Variants in LPP observed in about 807,000 individuals in gnomAD.
The protein encoded by LPP is LIM domain containing preferred translocation partner in lipoma.
LPP carries 38 observed loss-of-function variants against 60.4 expected under a neutral mutation model. The observed-to-expected ratio is 0.63, with a 90% CI of 0.49 to 0.83. The LOEUF (loss-of-function observed/expected upper bound fraction) is 0.83, where lower values mean the gene tolerates loss of function less well. LPP is among the 40% of genes least tolerant of loss of function. The pLI, the probability that LPP is intolerant of heterozygous loss-of-function variation, is 0.00. For synonymous variants in LPP, 328 were observed against 290.8 expected, an observed-to-expected ratio of 1.13 and a Z score of -1.30; for missense variants, 902 against 783.6, an observed-to-expected ratio of 1.15 and a Z score of -1.80.
intron 7 of LPP, among the ~76,000 whole-genome samples, chr3:188,640,557 A>C (rs1419362969): frequency 2.0e-5 from 3 of 151,374 alleles, no homozygotes. Context: ...GACGAAAAAA[A>C]AAAAAGAAAC....
At chr3:188,494,118 C>T (rs1345600104) in intron 5 of LPP, among the ~76,000 whole-genome samples, 1 of 152,100 alleles carries the variant, frequency 6.6e-6, no homozygotes, top group East Asian at 1.9e-4. Context: ...TACGTTCAGT[C>T]TTCAACCATA....
intron 3 of LPP, among the ~76,000 whole-genome samples, chr3:188,349,543 C>A (rs1174294396): frequency 6.6e-6 from 1 of 152,218 alleles, no homozygotes; most frequent in African/African-American, 2.4e-5. Flanking sequence ...AGTTACACAG[C>A]GCTGTCTCAT....
intron 7 of LPP, among the ~76,000 whole-genome samples, chr3:188,707,209 A>G (rs936036144): frequency 1.3e-5 from 2 of 151,888 alleles, no homozygotes; most frequent in African/African-American, 4.8e-5. Context: ...TTTTGGTTAC[A>G]TGGATGGGTT....
At chr3:188,770,274 G>A (rs1735487548) in intron 9 of LPP, among the ~76,000 whole-genome samples, 1 of 147,764 alleles carries the variant, frequency 6.8e-6, no homozygotes, top group African/African-American at 2.5e-5. Flanking sequence ...CACCTGCCGG[G>A]TTCACGCCAT....
intron 2 of LPP, among the ~76,000 whole-genome samples, chr3:188,339,693 C>G (rs996840569): frequency 8.5e-5 from 13 of 152,170 alleles, no homozygotes; most frequent in Non-Finnish European, 1.5e-4. Flanking sequence ...GATCGGATTA[C>G]TTCTACCTGG....
intron 9 of LPP, among the ~76,000 whole-genome samples, chr3:188,834,274 C>T (rs1183910760): frequency 7.0e-6 from 1 of 142,638 alleles, no homozygotes; most frequent in African/African-American, 2.6e-5. Flanking sequence ...TCTTTGTTTT[C>T]ATCAAACTTA....
intron 7 of LPP, among the ~76,000 whole-genome samples, chr3:188,612,496 C>T (rs1163770556): frequency 6.6e-6 from 1 of 152,154 alleles, no homozygotes; most frequent in Non-Finnish European, 1.5e-5. Flanking sequence ...ATTCCTCTTC[C>T]AGTTTGAGGA....
At chr3:188,815,628 T>C (rs1752261226) in intron 9 of LPP, among the ~76,000 whole-genome samples, 1 of 151,804 alleles carries the variant, frequency 6.6e-6, no homozygotes, top group African/African-American at 2.4e-5. Context: ...AAAAAAAAAA[T>C]GTTTTCCTGC....
chr3:188,230,522 G>T (rs13086998), intron 2 of LPP, among the ~76,000 whole-genome samples: 1 of 151,814 alleles, frequency 6.6e-6, no homozygotes, highest in Non-Finnish European at 1.5e-5. Flanking sequence ...AGTGGCTTAT[G>T]CCTGTAATCC....
At chr3:188,570,347 G>A (rs1337617093) in intron 6 of LPP, among the ~76,000 whole-genome samples, 1 of 151,968 alleles carries the variant, frequency 6.6e-6, no homozygotes, top group Non-Finnish European at 1.5e-5. Flanking sequence ...CTCTCTCCTG[G>A]AAGTCATTGA....
chr3:188,301,363 C>A (rs1219461432), intron 2 of LPP, among the ~76,000 whole-genome samples: 1 of 152,158 alleles, frequency 6.6e-6, no homozygotes, highest in African/African-American at 2.4e-5. Flanking sequence ...AACCAGAGCT[C>A]GGCCATTTTT....
intron 5 of LPP, among the ~76,000 whole-genome samples, chr3:188,517,356 A>C (rs1817655403): frequency 6.6e-6 from 1 of 152,224 alleles, no homozygotes; most frequent in African/African-American, 2.4e-5. Flanking sequence ...AAGACAGATG[A>C]TGGAAAAAAG....
At chr3:188,822,603 G>A (rs1007868785) in intron 9 of LPP, among the ~76,000 whole-genome samples, 3 of 152,194 alleles carry the variant, frequency 2.0e-5, no homozygotes, top group Non-Finnish European at 2.9e-5. Context: ...GTGATGCCAT[G>A]CTCATTTGAT....
rs1371341211 is a variant in LPP, at chr3:188,508,049, A to C, written c.307-16616A>C. On this transcript the variant is annotated intron_variant, in intron 5 of 11. Transcript: ENST00000617246. ...AGATGGATTGCTATAACATAGTGGT[A>C]CTCAAGTGATCAGAAATGGTGATGA... Among the ~76,000 whole-genome samples the C allele has an allele frequency of 1.3e-5, 2 of 152,200 alleles. 1 individual carries two copies. The highest frequency in any genetic ancestry group is 2.9e-5 in the Non-Finnish European group (2 of 68,038).
At chr3:188,487,134 A>G (rs973487911) in intron 5 of LPP, among the ~76,000 whole-genome samples, 1 of 152,200 alleles carries the variant, frequency 6.6e-6, no homozygotes. Context: ...TACATAGATT[A>G]TTCTAGTTGT....
chr3:188,670,638 G>T (rs571745963), intron 7 of LPP, among the ~76,000 whole-genome samples: 1 of 152,070 alleles, frequency 6.6e-6, no homozygotes, highest in South Asian at 2.1e-4. Flanking sequence ...ACGTTGGCAC[G>T]CACGTTACTT....
rs1292448726 is a variant in LPP, at chr3:188,889,758, C to T, written c.*15279C>T. ...TTCATAATTTCAAGAGTGTGACCACCCTGCTCTAGTCATCATCATTGGATG... is the reference window on the plus strand; with the variant it reads ...TTCATAATTTCAAGAGTGTGACCACTCTGCTCTAGTCATCATCATTGGATG... On this transcript the variant is annotated 3_prime_UTR_variant, in exon 12 of 12. Transcript: ENST00000617246. 4.6e-6 allele frequency: 1 copy of T among 218,726 alleles called. No homozygotes were observed. Among genetic ancestry groups the T allele is most frequent in the African/African-American group, 2.2e-5 (1 of 44,560 alleles). 13.5% of individuals were successfully genotyped at this position (218,726 alleles called of 1,614,324 possible).
At chr3:188,250,766 CTT>C (rs869235327) in intron 2 of LPP, among the ~76,000 whole-genome samples, 3,643 of 121,854 alleles carry the variant, frequency 0.03, 201 homozygotes, top group African/African-American at 0.12. Flanking sequence ...TTCTTTCTTT[CTT>C]TCTTTCTTTC....
At chr3:188,429,777 C>T (rs1202418402) in intron 4 of LPP, among the ~76,000 whole-genome samples, 1 of 152,086 alleles carries the variant, frequency 6.6e-6, no homozygotes, top group Non-Finnish European at 1.5e-5. Flanking sequence ...TCCGGAAAGA[C>T]CTCATTTGTA....
Sources: allele counts gnomAD v4.1 joint callset (sites outside exome capture counted in the v4.1 genomes callset), GRCh38; gene constraint gnomAD v4.1.1; transcripts MANE v1.5; gene names NCBI Gene and HGNC (gene_info 2026-07-23, HGNC 2026-07-21).